ZNF83: variants seen among roughly 807,000 people sequenced by gnomAD.
The protein encoded by ZNF83 is zinc finger protein 83, also known as zinc finger protein 816B.
For synonymous variants in ZNF83, 209 were observed against 213.0 expected, an observed-to-expected ratio of 0.98 and a Z score of 0.17; for missense variants, 552 against 629.9, an observed-to-expected ratio of 0.88 and a Z score of 1.32.
upstream of ZNF83, among the ~76,000 whole-genome samples, chr19:52,641,668 T>C (rs1328209377): frequency 6.6e-6 from 1 of 152,144 alleles, no homozygotes; most frequent in East Asian, 1.9e-4. Flanking sequence ...TGGAACTGAT[T>C]TTGTGCTAGT....
chr19:52,645,687 G>A (rs1165843771), intron 3 of ZNF83, among the ~76,000 whole-genome samples: 3 of 151,760 alleles, frequency 2.0e-5, no homozygotes, highest in Non-Finnish European at 1.5e-5. Context: ...TATACCTGTA[G>A]TGCCACCTAC....
rs1600237894 is a variant in ZNF83, at chr19:52,658,467, G to A, written c.-201+2295C>T. ...TGTAACCTCAGTTACTTGGGAAGCT[G>A]AGGTGAGAGAATCGCTTGAATCCAG... On this transcript the variant is annotated intron_variant, in intron 2 of 5. Coordinates refer to the ZNF83 transcript ENST00000594682. Among the ~76,000 whole-genome samples, 3 of 152,130 alleles carry A rather than the reference G, an allele frequency of 2.0e-5. No homozygotes were observed. In the South Asian group the frequency reaches 6.2e-4, roughly 31 times the overall value.
intron 2 of ZNF83, chr19:52,618,151 A>G (rs1024360409): frequency 2.6e-5 from 4 of 152,234 alleles, no homozygotes; most frequent in Non-Finnish European, 5.9e-5. Flanking sequence ...GAGTGCAGTC[A>G]TGCATTCTCG....
chr19:52,631,261 C>T (rs2060948778), intron 2 of ZNF83, among the ~76,000 whole-genome samples: 1 of 152,088 alleles, frequency 6.6e-6, no homozygotes, highest in African/African-American at 2.4e-5. Context: ...TCCAATTAAT[C>T]TCCCAAACCT....
chr19:52,666,618 CAAAAAAAAA>C (rs59937542), intron 1 of ZNF83, among the ~76,000 whole-genome samples: 4 of 105,802 alleles, frequency 3.8e-5, no homozygotes, highest in African/African-American at 6.7e-5. Flanking sequence ...TATCCTAAGT[CAAAAAAAAA>C]AAAAAAAAAA....
Position 52,658,875 on chromosome 19 carries a change from A to G in ZNF83, c.-201+1887T>C, listed in dbSNP as rs76530046. Among the ~76,000 whole-genome samples the G allele has an allele frequency of 9.8e-5, 15 of 152,332 alleles. No individual in the cohort carries two copies. In the East Asian group the frequency reaches 1.7e-3, roughly 18 times the overall value. On this transcript the variant is annotated intron_variant, in intron 2 of 5. Transcript: ENST00000594682. ...CACAGTACCTGAGCTTTAATCATTCATGAAACTACTCTCTTAACCATGCTA... is the reference window on the plus strand; with the variant it reads ...CACAGTACCTGAGCTTTAATCATTCGTGAAACTACTCTCTTAACCATGCTA...
At chr19:52,657,622 C>T (rs7248172) in intron 2 of ZNF83, among the ~76,000 whole-genome samples, 374 of 151,922 alleles carry the variant, frequency 2.5e-3, no homozygotes, top group Non-Finnish European at 4.1e-3. Context: ...CCAAGGCAGG[C>T]GGATCACCTG....
At chr19:52,672,792 G>A (rs1263089839) in intron 1 of ZNF83, among the ~76,000 whole-genome samples, 1 of 152,086 alleles carries the variant, frequency 6.6e-6, no homozygotes, top group East Asian at 1.9e-4. Context: ...TAGAGACGGG[G>A]TTTCACCGTG....
At chr19:52,662,992 G>A (rs775786374) in intron 1 of ZNF83, among the ~76,000 whole-genome samples, 61 of 151,922 alleles carry the variant, frequency 4.0e-4, no homozygotes, top group Admixed American at 2.6e-4. Context: ...GTGAAATCCC[G>A]TCTCTATGAA....
intron 1 of ZNF83, among the ~76,000 whole-genome samples, chr19:52,682,576 C>A (rs1430908056): frequency 2.0e-5 from 3 of 151,912 alleles, no homozygotes; most frequent in African/African-American, 7.3e-5. Context: ...GAGGCTGAGG[C>A]AGAATTGCTT....
At chr19:52,621,154 A>T (rs1464171085) in intron 2 of ZNF83, among the ~76,000 whole-genome samples, 2 of 152,180 alleles carry the variant, frequency 1.3e-5, no homozygotes, top group African/African-American at 4.8e-5. Flanking sequence ...CAGGAGACTG[A>T]TCCCCTGTCC....
At position 52,687,614 on chromosome 19, in the gene ZNF83, G is replaced by GTA. The variant is rs1437771631; in HGVS notation, c.-283+2828_-283+2829insTA. On this transcript the variant is annotated intron_variant, in intron 1 of 5. Transcript: ENST00000594682. Reference sequence around the variant, plus strand: ...TATATATAATGTATATATATATAATGTGTATATATATATATAATGTATATA... The same window carrying GTA: ...TATATATAATGTATATATATATAATGTATGTATATATATATATAATGTATATA... Among the ~76,000 whole-genome samples the GTA allele has an allele frequency of 5.4e-3, 63 of 11,620 alleles. 14 individuals are homozygous for GTA. The African/African-American group carries it at 0.064, about 12-fold the overall frequency. The allele number at this position is 11,620 out of a possible 152,430, so 7.6% of individuals were successfully genotyped here. A position where few individuals can be genotyped will look rare whatever the true frequency, so the allele number is the denominator to read the frequency against.
intron 2 of ZNF83, among the ~76,000 whole-genome samples, chr19:52,658,802 C>G (rs10426781): frequency 0.31 from 46,453 of 151,920 alleles, 7,750 homozygotes; most frequent in African/African-American, 0.43. Context: ...GGCCCTCTAG[C>G]GGGAGGCTGA....
chr19:52,668,797 G>C (rs995518678), intron 1 of ZNF83, among the ~76,000 whole-genome samples: 3 of 152,170 alleles, frequency 2.0e-5, no homozygotes, highest in Non-Finnish European at 4.4e-5. Context: ...CCCTTTCCAC[G>C]AGGGCTGTCC....
At chr19:52,639,597 C>T (rs1473669568), upstream of ZNF83, among the ~76,000 whole-genome samples, 3 of 151,170 alleles carry the variant, frequency 2.0e-5, no homozygotes, top group South Asian at 2.1e-4. Flanking sequence ...TTTGTATTTT[C>T]GATACAAACG....
upstream of ZNF83, among the ~76,000 whole-genome samples, chr19:52,640,718 T>C (rs2147221871): frequency 6.6e-6 from 1 of 152,170 alleles, no homozygotes; most frequent in South Asian, 2.1e-4. Flanking sequence ...TGCCCCAGAC[T>C]GAGGGGGGAG....
At chr19:52,664,746 C>T (rs2061625980) in intron 1 of ZNF83, among the ~76,000 whole-genome samples, 2 of 135,358 alleles carry the variant, frequency 1.5e-5, no homozygotes. Context: ...GGACAAGGGG[C>T]CTGGTGTGGG....
chr19:52,634,699 A>G (rs1484390380), intron 2 of ZNF83, among the ~76,000 whole-genome samples: 1 of 152,134 alleles, frequency 6.6e-6, no homozygotes, highest in Non-Finnish European at 1.5e-5. Flanking sequence ...TTAATACGTG[A>G]CTTCCATTGG....
intron 1 of ZNF83, among the ~76,000 whole-genome samples, chr19:52,687,633 G>T (rs374837649): frequency 0.032 from 874 of 27,570 alleles, 104 homozygotes; most frequent in African/African-American, 0.18. Context: ...TATATATAAT[G>T]TATATATATA....
Sources: allele counts gnomAD v4.1 joint callset (sites outside exome capture counted in the v4.1 genomes callset), GRCh38; gene constraint gnomAD v4.1.1; transcripts MANE v1.5; gene names NCBI Gene and HGNC (gene_info 2026-07-23, HGNC 2026-07-21).